The following KAZN variants were observed in gnomAD, a reference collection of about 807,000 sequenced individuals.
The protein encoded by KAZN is kazrin, periplakin interacting protein.
In KAZN, 40 loss-of-function variants were observed where a neutral mutation model predicts 87.4. The ratio of observed to expected loss-of-function variants is 0.46; its 90% CI spans 0.36 to 0.60. KAZN has a LOEUF of 0.60. KAZN is among the 20% of genes least tolerant of loss of function. The pLI, the probability that KAZN is intolerant of heterozygous loss-of-function variation, is 0.00. For missense variants in KAZN, 898 were observed against 1,073.9 expected, an observed-to-expected ratio of 0.84 and a Z score of 2.29; for synonymous variants, 466 against 458.3, an observed-to-expected ratio of 1.02 and a Z score of -0.22.
chr1:14,180,108 A>G (rs1646165196), intron 1 of KAZN, among the ~76,000 whole-genome samples: 1 of 151,998 alleles, frequency 6.6e-6, no homozygotes, highest in African/African-American at 2.4e-5. Flanking sequence ...AGTCATATTC[A>G]TGTATCTATT....
At chr1:14,523,272 A>G (rs1286217279) in intron 2 of KAZN, among the ~76,000 whole-genome samples, 1 of 152,110 alleles carries the variant, frequency 6.6e-6, no homozygotes, top group Non-Finnish European at 1.5e-5. Context: ...ACTTTTCTTC[A>G]AAGATTCTCT....
chr1:15,071,040 C>T (rs1029826021), intron 8 of KAZN, among the ~76,000 whole-genome samples: 2 of 152,116 alleles, frequency 1.3e-5, no homozygotes, highest in African/African-American at 4.8e-5. Flanking sequence ...GAATAGGGAA[C>T]ATGTATCAGC....
chr1:13,911,087 C>T (rs1217217419), intron 1 of KAZN, among the ~76,000 whole-genome samples: 2 of 152,126 alleles, frequency 1.3e-5, no homozygotes, highest in African/African-American at 4.8e-5. Flanking sequence ...CTCGCTCTGT[C>T]ACCCAGGCTG....
intron 2 of KAZN, among the ~76,000 whole-genome samples, chr1:14,494,536 C>T (rs1669842215): frequency 1.3e-5 from 2 of 152,170 alleles, no homozygotes; most frequent in Admixed American, 1.3e-4. Flanking sequence ...GCCAATCCCC[C>T]TTCAGGTCAA....
chr1:14,219,536 C>G (rs1175202182), intron 2 of KAZN, among the ~76,000 whole-genome samples: 5 of 152,152 alleles, frequency 3.3e-5, no homozygotes, highest in Non-Finnish European at 5.9e-5. Context: ...ATTGGACAGG[C>G]AGACCTGTAA....
chr1:14,174,074 A>G (rs1421619019), intron 1 of KAZN, among the ~76,000 whole-genome samples: 2 of 152,192 alleles, frequency 1.3e-5, no homozygotes, highest in African/African-American at 4.8e-5. Context: ...TTCAGCTTGC[A>G]TTAATTATGT....
At chr1:14,604,728 T>C (rs1677230797) in intron 1 of KAZN, among the ~76,000 whole-genome samples, 1 of 152,238 alleles carries the variant, frequency 6.6e-6, no homozygotes. Context: ...GGCTGGGTCA[T>C]GTCAGACCCT....
chr1:14,581,398 C>T (rs1459608124), intron 2 of KAZN, among the ~76,000 whole-genome samples: 1 of 152,162 alleles, frequency 6.6e-6, no homozygotes, highest in Non-Finnish European at 1.5e-5. Flanking sequence ...AGAATCCATT[C>T]ACCTTTCCAT....
chr1:14,256,977 A>G (rs12403871), intron 2 of KAZN, among the ~76,000 whole-genome samples: 27,975 of 152,062 alleles, frequency 0.18, 2,936 homozygotes, highest in Middle Eastern at 0.31. Flanking sequence ...TTCCCACAAT[A>G]TGACAAAATA....
Position 14,921,153 on chromosome 1 carries a change from A to AACACACACACACACACACAC in KAZN, c.227-39515_227-39496dup, listed in dbSNP as rs55766387. Among the ~76,000 whole-genome samples the AACACACACACACACACACAC allele has an allele frequency of 6.0e-4, 86 of 144,500 alleles. No individual in the cohort carries two copies. In the East Asian group the frequency reaches 7.1e-3, roughly 12 times the overall value. 94.8% of individuals were successfully genotyped at this position (144,500 alleles called of 152,430 possible). ...TCTGCAGTCCTGGGCCTGAGCATGC[A>AACACACACACACACACACAC]ACACACACACACACACACACACACA... On this transcript the variant is annotated intron_variant, in intron 1 of 14. Transcript: ENST00000376030.
chr1:15,046,297 C>CAAAA lies in KAZN; in HGVS notation c.726+2145_726+2148dup, dbSNP rs55932579. ...TGGGCAACAGAGCAAGACTCCGTCT[C>CAAAA]AAAAAAAAAAGAGAATCATAAGGAA... On this transcript the variant is annotated intron_variant, in intron 4 of 14. Transcript: ENST00000376030. 2.6e-3 allele frequency among the ~76,000 whole-genome samples: 349 copies of CAAAA among 134,304 alleles called. 8 individuals are homozygous for CAAAA. Among genetic ancestry groups the CAAAA allele is most frequent in the African/African-American group, 4.0e-3 (138 of 34,162 alleles). 88.1% of individuals were successfully genotyped at this position (134,304 alleles called of 152,430 possible).
intron 1 of KAZN, among the ~76,000 whole-genome samples, chr1:14,616,196 G>C (rs533225058): frequency 2.0e-5 from 3 of 152,298 alleles, no homozygotes; most frequent in Admixed American, 2.0e-4. Context: ...AGGCTATACA[G>C]CACTTTATAC....
chr1:14,683,109 A>G (rs1274069599), intron 1 of KAZN, among the ~76,000 whole-genome samples: 2 of 152,098 alleles, frequency 1.3e-5, no homozygotes, highest in Non-Finnish European at 1.5e-5. Context: ...ATGGGATGGG[A>G]AATGTGAGCT....
intron 2 of KAZN, among the ~76,000 whole-genome samples, chr1:14,242,613 A>G (rs1487611128): frequency 6.6e-6 from 1 of 152,226 alleles, no homozygotes; most frequent in East Asian, 1.9e-4. Flanking sequence ...AATAAAGCAT[A>G]CTATTGCAGG....
At chr1:14,661,942 C>A (rs561558635) in intron 1 of KAZN, among the ~76,000 whole-genome samples, 1 of 152,122 alleles carries the variant, frequency 6.6e-6, no homozygotes, top group Non-Finnish European at 1.5e-5. Flanking sequence ...TTGCTGAAGT[C>A]GGATAGGCCT....
rs184392345 is a variant in KAZN, at chr1:14,840,714, C to T, written c.227-119970C>T. Among the ~76,000 whole-genome samples, 362 of 152,326 alleles carry T rather than the reference C, an allele frequency of 2.4e-3. 2 individuals are homozygous for T. Among genetic ancestry groups the T allele is most frequent in the African/African-American group, 8.3e-3 (346 of 41,578 alleles). On this transcript the variant is annotated intron_variant, in intron 1 of 14. Coordinates refer to ENST00000376030, the MANE Select transcript of KAZN (RefSeq NM_201628.3). ...CTCTTGCAAACTCATCTCTTGTCCA[C>T]GATGCACCTCAATAGTCCTTGGTGG...
chr1:14,159,156 T>C (rs7533748), intron 1 of KAZN, among the ~76,000 whole-genome samples: 17,542 of 152,160 alleles, frequency 0.12, 1,123 homozygotes, highest in East Asian at 0.33. Context: ...AATCTGAAGA[T>C]AGCAAAGCCA....
intron 1 of KAZN, among the ~76,000 whole-genome samples, chr1:14,666,761 C>T (rs959462379): frequency 3.3e-5 from 5 of 152,070 alleles, no homozygotes; most frequent in African/African-American, 7.3e-5. Flanking sequence ...GTTTTTGAGA[C>T]AGAGTCTCAC....
At chr1:14,755,143 C>A (rs1644525655) in intron 1 of KAZN, among the ~76,000 whole-genome samples, 1 of 150,454 alleles carries the variant, frequency 6.6e-6, no homozygotes, top group Non-Finnish European at 1.5e-5. Flanking sequence ...GTTCCAGCTA[C>A]TCAGGAGGCT....
Sources: gnomAD v4.1 joint callset for allele counts (sites outside exome capture counted in the v4.1 genomes callset) on GRCh38, gnomAD v4.1.1 for gene constraint, MANE v1.5 for transcripts, NCBI Gene and HGNC (gene_info 2026-07-23, HGNC 2026-07-21) for gene names.